Variants in IDNK observed in about 807,000 individuals in gnomAD.
IDNK encodes the protein IDNK gluconokinase.
IDNK carries 9 observed loss-of-function variants against 13.0 expected under a neutral mutation model. The observed-to-expected ratio is 0.69, with a 90% CI of 0.42 to 1.21. The LOEUF is 1.21. Among genes scored for constraint, IDNK ranks in the 50% most tolerant of loss-of-function variants. IDNK has a pLI of 0.00. For synonymous variants in IDNK, 92 were observed against 94.9 expected, an observed-to-expected ratio of 0.97 and a Z score of 0.18; for missense variants, 210 against 237.8, an observed-to-expected ratio of 0.88 and a Z score of 0.77.
At chr9:83,630,926 A>C (rs1444445756) in intron 3 of IDNK, among the ~76,000 whole-genome samples, 2 of 152,328 alleles carry the variant, frequency 1.3e-5, no homozygotes, top group Admixed American at 6.5e-5. Context: ...AGAAAAAAAA[A>C]CTACAAGCTA....
intron 3 of IDNK, among the ~76,000 whole-genome samples, chr9:83,633,991 G>C (rs1831096961): frequency 6.6e-6 from 1 of 152,230 alleles, no homozygotes; most frequent in East Asian, 1.9e-4. Flanking sequence ...AAAGATGTCT[G>C]AGGCACTGAC....
chr9:83,634,825 C>T (rs1391222855), intron 3 of IDNK, among the ~76,000 whole-genome samples: 3 of 152,198 alleles, frequency 2.0e-5, no homozygotes, highest in African/African-American at 7.2e-5. Flanking sequence ...TCACCCCAAA[C>T]TCATTATGAA....
In IDNK at chr9:83,623,168, G is replaced by A. The variant is rs905587659; in HGVS notation, c.-4G>A. The A allele has an allele frequency of 4.9e-6, 7 of 1,421,734 alleles. No individual in the cohort carries two copies. In the South Asian group the frequency reaches 6.2e-5, roughly 13 times the overall value. The allele number at this position is 1,421,734 out of a possible 1,614,324, so 88.1% of individuals were successfully genotyped here. Reference sequence around the variant, plus strand: ...AGGCGACGGGAAGGAGCCGAGCTTGGGTTATGGCGGCGCCGGGCGCGCTGC... The same window carrying A: ...AGGCGACGGGAAGGAGCCGAGCTTGAGTTATGGCGGCGCCGGGCGCGCTGC... On this transcript the variant is annotated 5_prime_UTR_variant, in exon 1 of 5. Coordinates refer to ENST00000376419, the MANE Select transcript of IDNK (RefSeq NM_001001551.4).
chr9:83,625,007 G>A (rs367685673), intron 1 of IDNK, among the ~76,000 whole-genome samples: 62 of 152,242 alleles, frequency 4.1e-4, no homozygotes, highest in African/African-American at 1.3e-3. Context: ...GAGCCACCGC[G>A]CCCAGCTAAG....
chr9:83,637,190 C>T (rs140067044), intron 3 of IDNK, among the ~76,000 whole-genome samples: 1 of 152,328 alleles, frequency 6.6e-6, no homozygotes, highest in Non-Finnish European at 1.5e-5. Context: ...GTAGCTATTA[C>T]ATTTGAACTC....
In IDNK at chr9:83,623,207, G is replaced by T; in HGVS notation, c.36G>T (p.Val12=). ...AAPGALLVMG[V]SGSGKSTVGA... ...CGGGCGCGCTGCTGGTGATGGGCGT[G>T]AGCGGCTCGGGGAAGTAGGTCCGGG... The change falls in exon 1 of 5, where the codon GTG becomes GTT. Residue 12 remains valine, a synonymous_variant. Coordinates refer to ENST00000376419, the MANE Select transcript of IDNK (RefSeq NM_001001551.4). The T allele has an allele frequency of 7.1e-7, 1 of 1,409,562 alleles. No homozygotes were observed. Among genetic ancestry groups the T allele is most frequent in the South Asian group, 1.6e-5 (1 of 61,788 alleles). 87.3% of individuals were successfully genotyped at this position (1,409,562 alleles called of 1,614,324 possible).
intron 4 of IDNK, 63 bp from the exon 5 acceptor site, chr9:83,643,366 A>T (rs1831366478): frequency 1.5e-6 from 2 of 1,316,578 alleles, no homozygotes; most frequent in Non-Finnish European, 2.1e-6. Flanking sequence ...TAGAATTGAC[A>T]GAGGTTACTT....
chr9:83,625,523 T>C (rs1271076565), intron 1 of IDNK, among the ~76,000 whole-genome samples: 2 of 152,226 alleles, frequency 1.3e-5, no homozygotes, highest in Admixed American at 1.3e-4. Context: ...CTGGGGACTT[T>C]CAGTGGCGCA....
intron 3 of IDNK, among the ~76,000 whole-genome samples, chr9:83,638,931 G>A (rs962795767): frequency 6.6e-6 from 1 of 152,102 alleles, no homozygotes; most frequent in Non-Finnish European, 1.5e-5. Context: ...GAAATTATTA[G>A]TAAGAATATA....
At chr9:83,637,186 A>G (rs1263722437) in intron 3 of IDNK, among the ~76,000 whole-genome samples, 2 of 152,242 alleles carry the variant, frequency 1.3e-5, no homozygotes, top group Admixed American at 6.5e-5. Flanking sequence ...TTTTGTAGCT[A>G]TTACATTTGA....
chr9:83,638,312 T>A (rs927910221), intron 3 of IDNK, among the ~76,000 whole-genome samples: 8 of 152,078 alleles, frequency 5.3e-5, no homozygotes, highest in Middle Eastern at 6.8e-3. Context: ...AAACAATCAA[T>A]AGATGGATTA....
intron 1 of IDNK, 66 bp from the exon 2 acceptor site, chr9:83,628,115 T>C: frequency 6.5e-7 from 1 of 1,548,700 alleles, no homozygotes; most frequent in Non-Finnish European, 8.7e-7. Context: ...CCAGACATCC[T>C]TGCACAGAAG....
chr9:83,631,457 A>AAAAAAAAAG lies in IDNK; in HGVS notation c.168+2506_168+2507insGAAAAAAAA, dbSNP rs1831013110. Among the ~76,000 whole-genome samples, 3 of 145,006 alleles carry AAAAAAAAAG rather than the reference A, an allele frequency of 2.1e-5. 1 individual carries two copies. Among genetic ancestry groups the AAAAAAAAAG allele is most frequent in the Non-Finnish European group, 4.5e-5 (3 of 66,588 alleles). On this transcript the variant is annotated intron_variant, in intron 3 of 4. Coordinates refer to ENST00000376419, the MANE Select transcript of IDNK (RefSeq NM_001001551.4). Reference sequence around the variant, plus strand: ...CCCTGCCTCTACAAAAACTGAAAAAAAAAAAAAAAAAAAGGCTGGTGGTGC... The same window carrying AAAAAAAAAG: ...CCCTGCCTCTACAAAAACTGAAAAAAAAAAAAAAGAAAAAAAAAAAAAGGCTGGTGGTGC...
At chr9:83,633,151 AAC>A (rs1206911097) in intron 3 of IDNK, among the ~76,000 whole-genome samples, 1 of 152,066 alleles carries the variant, frequency 6.6e-6, no homozygotes, top group Non-Finnish European at 1.5e-5. Flanking sequence ...CATCCTGGCT[AAC>A]ACGGTGAAAT....
intron 1 of IDNK, among the ~76,000 whole-genome samples, chr9:83,624,713 T>TG (rs1042647541): frequency 5.3e-5 from 8 of 149,544 alleles, no homozygotes; most frequent in African/African-American, 2.0e-4. Flanking sequence ...TTTGTTTTTT[T>TG]TTTGTTTTGT....
intron 1 of IDNK, among the ~76,000 whole-genome samples, chr9:83,625,284 A>G (rs1249330546): frequency 6.6e-6 from 1 of 152,190 alleles, no homozygotes; most frequent in East Asian, 1.9e-4. Flanking sequence ...CAGTAGATAG[A>G]GCAGATTTGG....
At chr9:83,624,381 C>CA (rs1201004467) in intron 1 of IDNK, among the ~76,000 whole-genome samples, 3 of 152,168 alleles carry the variant, frequency 2.0e-5, no homozygotes, top group African/African-American at 7.2e-5. Flanking sequence ...TTCATGTACT[C>CA]AGTAATTATT....
At position 83,628,188 on chromosome 9, in the gene IDNK, G is replaced by A. The variant is rs747677274; in HGVS notation, c.58G>A (p.Val20Met). ...TCTGTGTCCTCTCCACAGATCCACC[G>A]TGGGCGCCCTGCTGGCATCTGAGGT... ...MGVSGSGKST[V>M]GALLASELGW... The change falls in exon 2 of 5, where the codon GTG (valine) becomes ATG (methionine). Residue 20 changes from valine (V) to methionine (M), a missense_variant. Transcript: ENST00000376419. 2.5e-5 allele frequency: 38 copies of A among 1,550,428 alleles called. No homozygotes were observed. The highest frequency in any genetic ancestry group is 5.9e-5 in the South Asian group (5 of 84,064).
At chr9:83,638,045 T>C (rs1831209915) in intron 3 of IDNK, among the ~76,000 whole-genome samples, 1 of 152,036 alleles carries the variant, frequency 6.6e-6, no homozygotes, top group Admixed American at 6.6e-5. Context: ...ATAAAACTGT[T>C]CTAGAATTGG....
Sources: allele counts gnomAD v4.1 joint callset (sites outside exome capture counted in the v4.1 genomes callset), GRCh38; gene constraint gnomAD v4.1.1; transcripts MANE v1.5; gene names NCBI Gene and HGNC (gene_info 2026-07-23, HGNC 2026-07-21).